SEPTIN14: variants seen among roughly 807,000 people sequenced by gnomAD.
SEPTIN14 encodes the protein septin-14.
SEPTIN14 carries 40 observed loss-of-function variants against 53.6 expected under a neutral mutation model. The ratio of observed to expected loss-of-function variants is 0.75; its 90% CI spans 0.58 to 0.97. The LOEUF is 0.97. SEPTIN14 is among the 50% of genes least tolerant of loss of function. The pLI, the probability that SEPTIN14 is intolerant of heterozygous loss-of-function variation, is 0.00. For synonymous variants in SEPTIN14, 138 were observed against 166.8 expected, an observed-to-expected ratio of 0.83 and a Z score of 1.33; for missense variants, 471 against 508.2, an observed-to-expected ratio of 0.93 and a Z score of 0.70.
intron 2 of SEPTIN14, among the ~76,000 whole-genome samples, chr7:55,848,769 G>A (rs370065728): frequency 1.1e-3 from 165 of 151,498 alleles, no homozygotes; most frequent in African/African-American, 3.6e-3. Context: ...CACTACGCCC[G>A]GCTAATTTTT....
chr7:55,854,086 G>A (rs866114405), intron 2 of SEPTIN14, among the ~76,000 whole-genome samples: 4 of 151,786 alleles, frequency 2.6e-5, no homozygotes, highest in East Asian at 1.9e-4. Context: ...GTGCCACTGC[G>A]CTGCAGCCTG....
intron 9 of SEPTIN14, among the ~76,000 whole-genome samples, chr7:55,799,958 T>C (rs543411126): frequency 6.6e-6 from 1 of 152,198 alleles, no homozygotes; most frequent in Admixed American, 6.6e-5. Flanking sequence ...CACAGGAACA[T>C]TCTCCAACAT....
intron 5 of SEPTIN14, among the ~76,000 whole-genome samples, chr7:55,836,913 T>C (rs989568585): frequency 6.6e-6 from 1 of 152,084 alleles, no homozygotes; most frequent in African/African-American, 2.4e-5. Context: ...ATAGTAAAAG[T>C]TGAGATTCCT....
At chr7:55,846,688 C>A in intron 2 of SEPTIN14, 51 bp from the exon 3 acceptor site, 3 of 1,011,968 alleles carry the variant, frequency 3.0e-6, no homozygotes, top group South Asian at 3.0e-5. Flanking sequence ...AAAATGAAGT[C>A]ATTTGAAAGG....
At chr7:55,815,598 G>T (rs996877398) in intron 7 of SEPTIN14, among the ~76,000 whole-genome samples, 1 of 151,858 alleles carries the variant, frequency 6.6e-6, no homozygotes, top group Non-Finnish European at 1.5e-5. Context: ...ATGAAAAGGT[G>T]CTCAATATCA....
intron 6 of SEPTIN14, among the ~76,000 whole-genome samples, chr7:55,821,471 G>A (rs1788895612): frequency 6.6e-6 from 1 of 152,092 alleles, no homozygotes; most frequent in African/African-American, 2.4e-5. Flanking sequence ...AAAATTATAT[G>A]TAATCCCAAG....
chr7:55,803,732 G>A (rs1011010153), intron 9 of SEPTIN14, among the ~76,000 whole-genome samples: 23 of 152,064 alleles, frequency 1.5e-4, no homozygotes, highest in Non-Finnish European at 2.6e-4. Flanking sequence ...AGAAGCAGAC[G>A]TACAGGAATA....
In SEPTIN14 at chr7:55,819,235, G is replaced by A; in HGVS notation, c.721-12C>T. ...AAGGGTAACAGCCCCTAGAAAACAA[G>A]AATGACATGAATTGAATTCTCTAGC... On this transcript the variant is annotated splice_polypyrimidine_tract_variant and intron_variant, in intron 6 of 9. Coordinates refer to ENST00000388975, the MANE Select transcript of SEPTIN14 (RefSeq NM_207366.3). 1 of 1,480,316 alleles carries A rather than the reference G, an allele frequency of 6.8e-7. No homozygotes were observed. The highest frequency in any genetic ancestry group is 9.2e-7 in the Non-Finnish European group (1 of 1,081,256). 91.7% of individuals were successfully genotyped at this position (1,480,316 alleles called of 1,614,324 possible). A position where few individuals can be genotyped will look rare whatever the true frequency, so the allele number is the denominator to read the frequency against.
intron 6 of SEPTIN14, among the ~76,000 whole-genome samples, chr7:55,827,115 C>G (rs989102009): frequency 1.3e-5 from 2 of 152,210 alleles, no homozygotes; most frequent in Admixed American, 1.3e-4. Context: ...ATATAGGGAT[C>G]TGAGAATCAA....
chr7:55,806,659 T>G (rs1788615517), intron 8 of SEPTIN14, among the ~76,000 whole-genome samples: 1 of 151,448 alleles, frequency 6.6e-6, no homozygotes, highest in African/African-American at 2.4e-5. Flanking sequence ...CACAGGGTTT[T>G]ACCATGTTGG....
At chr7:55,858,937 CAT>C in intron 2 of SEPTIN14, among the ~76,000 whole-genome samples, 1 of 152,274 alleles carries the variant, frequency 6.6e-6, no homozygotes, top group Middle Eastern at 3.4e-3. Flanking sequence ...CAGTTTCAGA[CAT>C]AAAATCTACT....
intron 9 of SEPTIN14, among the ~76,000 whole-genome samples, chr7:55,802,641 C>A (rs1050274959): frequency 7.2e-5 from 11 of 152,046 alleles, no homozygotes; most frequent in African/African-American, 2.7e-4. Flanking sequence ...TAAAGCTGTA[C>A]AACTACTTTA....
In SEPTIN14 at chr7:55,836,115, C is replaced by T. The variant is rs1033725169; in HGVS notation, c.559-1529G>A. On this transcript the variant is annotated intron_variant, in intron 5 of 9. Coordinates refer to ENST00000388975, the MANE Select transcript of SEPTIN14 (RefSeq NM_207366.3). Reference sequence around the variant, plus strand: ...CGTGTGTGTGTATAAGAACACCTTGCAAACAAATATGTTCATTTTTCTTTT... The same window carrying T: ...CGTGTGTGTGTATAAGAACACCTTGTAAACAAATATGTTCATTTTTCTTTT... 9.9e-5 allele frequency among the ~76,000 whole-genome samples: 15 copies of T among 152,130 alleles called. No individual in the cohort carries two copies. The East Asian group carries it at 2.9e-3, about 29-fold the overall frequency.
In SEPTIN14 at chr7:55,805,370, G is replaced by T. The variant is rs1238601185; in HGVS notation, c.1007C>A (p.Ala336Asp). ...TTGATCATAGAACTCTTGTCTTTTG[G>T]CTTCAAAGATTTCTTGAAAACTAAA... is the stretch of plus-strand genomic sequence containing the variant. Reference protein sequence around the residue: ...QPVSFQEIFEAKRQEFYDQCQ... With the variant: ...QPVSFQEIFEDKRQEFYDQCQ... Residue 336 changes from alanine (A) to aspartate (D), a missense_variant, in exon 9 of 10, where the codon GCC (alanine) becomes GAC (aspartate). By Grantham distance (126) the Ala-to-Asp change is moderately radical. Transcript: ENST00000388975. 3 of 1,589,364 alleles carry T rather than the reference G, an allele frequency of 1.9e-6. No homozygotes were observed. Among genetic ancestry groups the T allele is most frequent in the Non-Finnish European group, 1.7e-6 (2 of 1,167,652 alleles).
intron 9 of SEPTIN14, among the ~76,000 whole-genome samples, chr7:55,804,321 C>A (rs1788579424): frequency 6.7e-6 from 1 of 150,186 alleles, no homozygotes. Flanking sequence ...GGCAGTGGCA[C>A]CATCTCGGCT....
At chr7:55,811,002 G>A (rs1788691488) in intron 7 of SEPTIN14, 1 of 441,512 alleles carries the variant, frequency 2.3e-6, no homozygotes, top group African/African-American at 2.0e-5. Context: ...TCTTTTGACT[G>A]TTGCAATTTG....
chr7:55,807,061 T>G, intron 8 of SEPTIN14, 29 bp downstream of exon 8: 3 of 1,520,144 alleles, frequency 2.0e-6, no homozygotes, highest in Non-Finnish European at 2.6e-6. Flanking sequence ...AATTATCCAT[T>G]TGGTTGTGCT....
chr7:55,850,420 A>G (rs1320554738), intron 2 of SEPTIN14, among the ~76,000 whole-genome samples: 1 of 152,128 alleles, frequency 6.6e-6, no homozygotes, highest in Non-Finnish European at 1.5e-5. Flanking sequence ...CAGTGAGCTG[A>G]GATTACACCA....
At chr7:55,862,059 T>C in intron 1 of SEPTIN14, 48 bp from the exon 2 acceptor site, 1 of 1,160,096 alleles carries the variant, frequency 8.6e-7, no homozygotes, top group Admixed American at 2.5e-5. Flanking sequence ...TTACAAAGGC[T>C]ATATTCTTAC....
Sources: gnomAD v4.1 joint callset for allele counts (sites outside exome capture counted in the v4.1 genomes callset) on GRCh38, gnomAD v4.1.1 for gene constraint, MANE v1.5 for transcripts, NCBI Gene and HGNC (gene_info 2026-07-23, HGNC 2026-07-21) for gene names.